Variants in TENM2 observed in about 807,000 individuals in gnomAD.
TENM2 encodes teneurin-2.
In TENM2, 52 loss-of-function variants were observed where a neutral mutation model predicts 245.2. That is an observed-to-expected ratio of 0.21 (90% CI 0.17 to 0.27). The LOEUF (loss-of-function observed/expected upper bound fraction) is 0.27, where lower values mean the gene tolerates loss of function less well. Among genes scored for constraint, TENM2 ranks in the 10% least tolerant of loss-of-function variants. The probability of loss-of-function intolerance (pLI) is 1.00; values close to 1 mark genes in which losing one functional copy is unlikely to be tolerated. For missense variants in TENM2, 3,046 were observed against 3,666.8 expected, an observed-to-expected ratio of 0.83 and a Z score of 4.37; for synonymous variants, 1,363 against 1,438.9, an observed-to-expected ratio of 0.95 and a Z score of 1.19.
chr5:167,660,879 T>G (rs1014655860), intron 2 of TENM2, among the ~76,000 whole-genome samples: 9 of 152,232 alleles, frequency 5.9e-5, no homozygotes, highest in Non-Finnish European at 1.2e-4. Context: ...GAAGAACTTC[T>G]CTGTGCCAGT....
In TENM2 at chr5:167,299,080, T is replaced by C. The variant is rs977890209; in HGVS notation, c.226+14017T>C. Among the ~76,000 whole-genome samples, 5 of 152,290 alleles carry C rather than the reference T, an allele frequency of 3.3e-5. No individual in the cohort carries two copies. The East Asian group carries it at 5.8e-4, about 18-fold the overall frequency. ...CTGAGAAGGGAAAGTGGTAAAAGTA[T>C]TGTCCAGTCCTTTTTAAGTTGGTGG... On this transcript the variant is annotated intron_variant, in intron 1 of 28. Coordinates refer to ENST00000518659, the Ensembl canonical transcript of TENM2.
chr5:167,074,054 A>G, the TENM2 span, among the ~76,000 whole-genome samples: 1 of 152,164 alleles, frequency 6.6e-6, no homozygotes, highest in African/African-American at 2.4e-5. Flanking sequence ...TTCTGCCAAG[A>G]TGGCTCATTT....
At chr5:167,610,856 A>G (rs1316551603) in intron 2 of TENM2, among the ~76,000 whole-genome samples, 1 of 152,190 alleles carries the variant, frequency 6.6e-6, no homozygotes, top group Non-Finnish European at 1.5e-5. Flanking sequence ...TCTCAGATTC[A>G]TAAGCCAGGA....
chr5:167,229,736 C>G, the TENM2 span, among the ~76,000 whole-genome samples: 2 of 152,156 alleles, frequency 1.3e-5, no homozygotes, highest in African/African-American at 2.4e-5. Context: ...ACTGAGCTTG[C>G]AGGTTCACTG....
chr5:166,979,237 C>CAG, the TENM2 span, among the ~76,000 whole-genome samples: 4 of 151,860 alleles, frequency 2.6e-5, no homozygotes, highest in Non-Finnish European at 4.4e-5. Context: ...GCAGCAGCAG[C>CAG]CGCCGCGGCA....
At chr5:167,194,581 G>C in the TENM2 span, among the ~76,000 whole-genome samples, 1 of 151,982 alleles carries the variant, frequency 6.6e-6, no homozygotes, top group Non-Finnish European at 1.5e-5. Flanking sequence ...TTCCCCTTCT[G>C]AAATTAGGTT....
At position 168,260,269 on chromosome 5, in the gene TENM2, G is replaced by C. The variant is rs369287094; in HGVS notation, c.7433-14G>C. 1 of 1,612,810 alleles carries C rather than the reference G, an allele frequency of 6.2e-7. No individual in the cohort carries two copies. The highest frequency in any genetic ancestry group is 8.5e-7 in the Non-Finnish European group (1 of 1,179,564). On this transcript the variant is annotated splice_polypyrimidine_tract_variant and intron_variant, in intron 27 of 28. Coordinates refer to ENST00000518659, the Ensembl canonical transcript of TENM2. Reference sequence around the variant, plus strand: ...CATGATTTCAGAAACCTTTATTTTTGTTTTCCACCATAGATGTGAAAAGCT... The same window carrying C: ...CATGATTTCAGAAACCTTTATTTTTCTTTTCCACCATAGATGTGAAAAGCT...
intron 2 of TENM2, among the ~76,000 whole-genome samples, chr5:167,569,789 C>T (rs943939091): frequency 5.9e-5 from 9 of 152,092 alleles, no homozygotes; most frequent in Non-Finnish European, 1.3e-4. Flanking sequence ...ATTAAGTTCT[C>T]ACAATATTTT....
the TENM2 span, among the ~76,000 whole-genome samples, chr5:167,220,249 A>G: frequency 1.3e-5 from 2 of 152,186 alleles, no homozygotes; most frequent in East Asian, 3.9e-4. Context: ...GTATGAGACT[A>G]AATCCTTCCA....
intron 4 of TENM2, among the ~76,000 whole-genome samples, chr5:167,990,651 T>A (rs961585151): frequency 3.9e-5 from 6 of 152,158 alleles, no homozygotes; most frequent in African/African-American, 1.4e-4. Context: ...CAAAACACCA[T>A]TTTAAAATGG....
At chr5:167,160,488 G>A in the TENM2 span, among the ~76,000 whole-genome samples, 4 of 152,302 alleles carry the variant, frequency 2.6e-5, no homozygotes, top group Non-Finnish European at 5.9e-5. Context: ...CTCCTTTAAG[G>A]GAAGTCAGCA....
intron 2 of TENM2, among the ~76,000 whole-genome samples, chr5:167,664,410 C>T (rs1475990116): frequency 6.6e-6 from 1 of 152,146 alleles, no homozygotes; most frequent in Non-Finnish European, 1.5e-5. Context: ...GCCCAGCTGT[C>T]AATTATTCAT....
At chr5:168,118,018 G>A (rs1434063267) in intron 9 of TENM2, among the ~76,000 whole-genome samples, 2 of 152,150 alleles carry the variant, frequency 1.3e-5, no homozygotes, top group African/African-American at 4.8e-5. Flanking sequence ...CACCTCATAG[G>A]GTGATTACGA....
chr5:167,115,353 T>C, the TENM2 span, among the ~76,000 whole-genome samples: 2 of 152,320 alleles, frequency 1.3e-5, no homozygotes, highest in South Asian at 4.1e-4. Context: ...CTTTAAAAGA[T>C]TGGCTCCTCA....
At chr5:168,158,850 TACACACACACACACACAC>T (rs764713880) in intron 12 of TENM2, among the ~76,000 whole-genome samples, 15 of 62,300 alleles carry the variant, frequency 2.4e-4, no homozygotes, top group Middle Eastern at 9.3e-3. Context: ...TATATATATA[TACACACACACACACACAC>T]ATATATATGT....
intron 2 of TENM2, among the ~76,000 whole-genome samples, chr5:167,529,641 T>A (rs556781730): frequency 6.6e-6 from 1 of 152,344 alleles, no homozygotes; most frequent in South Asian, 2.1e-4. Flanking sequence ...GTATGCTCAC[T>A]TAGACAGTTA....
At chr5:167,749,453 C>A (rs182518278) in intron 2 of TENM2, among the ~76,000 whole-genome samples, 1 of 152,058 alleles carries the variant, frequency 6.6e-6, no homozygotes, top group Non-Finnish European at 1.5e-5. Flanking sequence ...GCCTGGCCAA[C>A]TTGATGAAAC....
At chr5:168,072,663 A>T (rs935235558) in intron 7 of TENM2, among the ~76,000 whole-genome samples, 1 of 152,164 alleles carries the variant, frequency 6.6e-6, no homozygotes, top group South Asian at 2.1e-4. Context: ...TATCTCTCCT[A>T]TGAAGTGTTT....
rs568795389 is a variant in TENM2, at chr5:167,845,489, A to C, written c.503-30497A>C. Among the ~76,000 whole-genome samples the C allele has an allele frequency of 5.3e-5, 8 of 152,352 alleles. No individual in the cohort carries two copies. In the East Asian group the frequency reaches 7.7e-4, roughly 15 times the overall value. ...CTGTCTAAGAGGAAGATCCAGACTC[A>C]AAAATATTCATGATTTCCATATTAC... On this transcript the variant is annotated intron_variant, in intron 2 of 28. Coordinates refer to ENST00000518659, the Ensembl canonical transcript of TENM2.
Sources: gnomAD v4.1 joint callset for allele counts (sites outside exome capture counted in the v4.1 genomes callset) on GRCh38, gnomAD v4.1.1 for gene constraint, MANE v1.5 for transcripts, NCBI Gene and HGNC (gene_info 2026-07-23, HGNC 2026-07-21) for gene names.